Variants in TUBGCP2 observed in about 807,000 individuals in gnomAD.
TUBGCP2 encodes the protein gamma-tubulin complex component 2.
Under a neutral mutation model 92.2 loss-of-function variants are expected in TUBGCP2, and 55 were observed. The ratio of observed to expected loss-of-function variants is 0.60; its 90% CI spans 0.48 to 0.75. TUBGCP2 has a LOEUF of 0.75. Ranked by LOEUF, TUBGCP2 falls within the 30% of genes least tolerant of loss-of-function variation. The pLI is 0.00. For synonymous variants in TUBGCP2, 533 were observed against 505.2 expected (o/e 1.06, Z -0.74); for missense variants, 1,093 against 1,188.9 (o/e 0.92, Z 1.19).
upstream of TUBGCP2, chr10:133,309,422 G>A: frequency 6.2e-7 from 1 of 1,612,536 alleles, no homozygotes; most frequent in Non-Finnish European, 8.5e-7. Context: ...TCTACCTCCA[G>A]GACGTGATCA....
At chr10:133,308,984 G>C, upstream of TUBGCP2, 2 of 1,245,636 alleles carry the variant, frequency 1.6e-6, no homozygotes, top group Non-Finnish European at 2.0e-6. Flanking sequence ...CTCGCTGCGG[G>C]GCCCGGGGCG....
At chr10:133,309,366 G>A, upstream of TUBGCP2, 2 of 1,605,634 alleles carry the variant, frequency 1.2e-6, no homozygotes, top group African/African-American at 1.3e-5. Flanking sequence ...ACCTGGCCCC[G>A]CCCACGGCGC....
Position 133,292,774 on chromosome 10 carries a change from C to G in TUBGCP2, c.1025-86G>C. The stretch of plus-strand genomic sequence containing the variant: ...AACACTGCTGGGGCCCCTCATGCTT[C>G]TCCAACCTTCTTCCTGGGACGGTGC... On this transcript the variant is annotated intron_variant, in intron 7 of 17. Transcript: ENST00000252936. 4 of 1,451,598 alleles carry G rather than the reference C, an allele frequency of 2.8e-6. No individual in the cohort carries two copies. In the South Asian group the frequency reaches 5.3e-5, roughly 19 times the overall value. The allele number at this position is 1,451,598 out of a possible 1,614,324, so 89.9% of individuals were successfully genotyped here.
chr10:133,299,562 C>G lies in TUBGCP2; in HGVS notation c.321G>C (p.Glu107Asp). 1 of 1,613,360 alleles carries G rather than the reference C, an allele frequency of 6.2e-7. No homozygotes were observed. The highest frequency in any genetic ancestry group is 1.3e-5 in the African/African-American group (1 of 74,994). Residue 107 changes from glutamate to aspartate, a missense_variant, in exon 4 of 18, where the codon GAG becomes GAC. By Grantham distance (45) the Glu-to-Asp change is conservative. Transcript: ENST00000252936. The stretch of plus-strand genomic sequence containing the variant: ...TGCTGCCCACAGCAGCGGCTGCAAG[C>G]TCAGCTCTTTCTTTTGCATTCTGTT... ...YLQQNAKERA[E>D]LAAAAVGSST...
rs753627561 is a variant in TUBGCP2 at position 133,285,317 on chromosome 10, G to A, written c.1896-104C>T. The A allele has an allele frequency of 2.1e-5, 34 of 1,591,022 alleles. No individual in the cohort carries two copies. The highest frequency in any genetic ancestry group is 1.6e-4 in the Middle Eastern group (1 of 6,062). Reference sequence around the variant, plus strand: ...CCGCACCGTGGCCCCCGGACAGCCCGTGAATCTCTCGGACACTGAAGGCCG... The same window carrying A: ...CCGCACCGTGGCCCCCGGACAGCCCATGAATCTCTCGGACACTGAAGGCCG... On this transcript the variant is annotated intron_variant, in intron 12 of 17. Transcript: ENST00000252936. This position sits in a 1 kb window ranked among gnomAD's most constrained non-coding sequence, Gnocchi z 6.8.
intron 8 of TUBGCP2, 182 bp from the exon 9 acceptor site, chr10:133,290,151 G>C (rs1350920657): frequency 1.2e-6 from 1 of 838,388 alleles, no homozygotes; most frequent in Admixed American, 2.9e-5. Flanking sequence ...AACGAACCTA[G>C]GGGCCGGGCA....
At position 133,300,064 on chromosome 10, in the gene TUBGCP2, T is replaced by C. The variant is rs372712808; in HGVS notation, c.200A>G (p.Tyr67Cys). ...SRTPEDFLKK[Y>C]DELKSKNTRN... ...TGTATTTTTAGATTTCAGTTCATCA[T>C]ATTTCTTTAGAAAGTCTTCTGGAGT... The change falls in exon 3 of 18, where the codon TAT becomes TGT. Residue 67 changes from tyrosine (Y) to cysteine (C), a missense_variant. By Grantham distance (194) the Tyr-to-Cys change is radical (BLOSUM62 -2). Transcript: ENST00000252936. 4.3e-6 allele frequency: 7 copies of C among 1,614,056 alleles called. No homozygotes were observed. The Admixed American group carries it at 5.0e-5, about 12-fold the overall frequency.
intron 14 of TUBGCP2, 67 bp downstream of exon 14, chr10:133,283,815 C>T (rs1847057781): frequency 1.3e-6 from 2 of 1,593,218 alleles, no homozygotes; most frequent in African/African-American, 1.3e-5. Flanking sequence ...GCCTCTCCTG[C>T]ACTTCCTGTC....
chr10:133,308,953 C>T (rs956567043), upstream of TUBGCP2: 12 of 1,234,576 alleles, frequency 9.7e-6, no homozygotes, highest in African/African-American at 1.6e-5. Context: ...GATGCAGTTG[C>T]CCCCCGCGCT....
intron 1 of TUBGCP2, among the ~76,000 whole-genome samples, chr10:133,303,955 G>A (rs1427225169): frequency 1.3e-5 from 2 of 152,212 alleles, no homozygotes; most frequent in Non-Finnish European, 2.9e-5. Flanking sequence ...CTGGGTCAGG[G>A]GGCAGGGTGA....
At chr10:133,312,111 A>T (rs558162969), upstream of TUBGCP2, 5 of 1,443,782 alleles carry the variant, frequency 3.5e-6, no homozygotes, top group East Asian at 2.5e-5. Context: ...GGATGGAAAG[A>T]GTCTCACTTG....
chr10:133,283,278 GCATGCGCA>G, intron 14 of TUBGCP2, 57 bp from the exon 15 acceptor site: 1 of 1,609,860 alleles, frequency 6.2e-7, no homozygotes, highest in Non-Finnish European at 8.5e-7. Context: ...GACGGGCCCT[GCATGCGCA>G]CGTGCTCAGT....
At chr10:133,290,004 A>G in intron 8 of TUBGCP2, 35 bp from the exon 9 acceptor site, 13 of 1,601,076 alleles carry the variant, frequency 8.1e-6, no homozygotes, top group Non-Finnish European at 1.1e-5. Flanking sequence ...TCACAGGCAA[A>G]GCAAGGGCGC....
At chr10:133,283,838 GAA>G (rs1486143923) in intron 14 of TUBGCP2, 42 bp downstream of exon 14, 2 of 1,606,340 alleles carry the variant, frequency 1.2e-6, no homozygotes, top group African/African-American at 2.7e-5. Context: ...CCTGTGAAAG[GAA>G]AGTGGCTTTC....
intron 11 of TUBGCP2, among the ~76,000 whole-genome samples, chr10:133,287,798 C>A (rs557528218): frequency 6.6e-6 from 1 of 152,038 alleles, no homozygotes; most frequent in Non-Finnish European, 1.5e-5. Flanking sequence ...AGAATTAACA[C>A]CACTCCTGAA....
At chr10:133,303,052 G>A (rs1038832701) in intron 1 of TUBGCP2, 72 bp from the exon 2 acceptor site, 73 of 1,400,318 alleles carry the variant, frequency 5.2e-5, no homozygotes, top group Non-Finnish European at 6.8e-5. Context: ...AAACACTCAA[G>A]ACTGGCCAAT....
intron 10 of TUBGCP2, among the ~76,000 whole-genome samples, 196 bp from the exon 11 acceptor site, chr10:133,288,505 A>G (rs531224509): frequency 1.3e-5 from 2 of 151,718 alleles, no homozygotes; most frequent in African/African-American, 4.9e-5. Flanking sequence ...TGCTCGCCAT[A>G]GCCATCACCC....
intron 1 of TUBGCP2, among the ~76,000 whole-genome samples, chr10:133,306,807 A>C (rs1288983287): frequency 6.6e-6 from 1 of 152,176 alleles, no homozygotes; most frequent in Non-Finnish European, 1.5e-5. Context: ...TAATAAAAAA[A>C]ATAAAAACTA....
upstream of TUBGCP2, chr10:133,310,421 C>T: frequency 1.7e-6 from 2 of 1,145,086 alleles, no homozygotes; most frequent in East Asian, 2.5e-5. Flanking sequence ...CCTGCAGGTA[C>T]CTGAAGCCCT....
Sources: gnomAD v4.1 joint callset for allele counts (sites outside exome capture counted in the v4.1 genomes callset) on GRCh38, gnomAD v4.1.1 for gene constraint, Gnocchi (gnomAD v3.1) non-coding constraint, MANE v1.5 for transcripts, NCBI Gene and HGNC (gene_info 2026-07-23, HGNC 2026-07-21) for gene names.